UNC13C: variants seen among roughly 807,000 people sequenced by gnomAD.
The protein encoded by UNC13C is protein unc-13 homolog C.
In UNC13C, 174 loss-of-function variants were observed where a neutral mutation model predicts 245.4. The observed-to-expected ratio is 0.71, with a 90% CI of 0.63 to 0.80. The LOEUF is 0.80. Among genes scored for constraint, UNC13C ranks in the 30% least tolerant of loss-of-function variants. UNC13C has a pLI of 0.00. For synonymous variants in UNC13C, 992 were observed against 895.1 expected (o/e 1.11, Z -1.93); for missense variants, 2,829 against 2,602.9 (o/e 1.09, Z -1.89).
intron 1 of UNC13C, among the ~76,000 whole-genome samples, chr15:54,003,632 G>A (rs1305919517): frequency 1.3e-5 from 2 of 152,054 alleles, no homozygotes; most frequent in African/African-American, 4.8e-5. Context: ...CAGTGAATAG[G>A]GTGTCCATCC....
intron 19 of UNC13C, among the ~76,000 whole-genome samples, chr15:54,453,798 T>G (rs1228452976): frequency 6.6e-6 from 1 of 152,186 alleles, no homozygotes; most frequent in Non-Finnish European, 1.5e-5. Flanking sequence ...TTTTTTGATA[T>G]AGTATATTAT....
chr15:54,379,935 C>T (rs1407415588), intron 17 of UNC13C, among the ~76,000 whole-genome samples: 1 of 152,082 alleles, frequency 6.6e-6, no homozygotes, highest in Non-Finnish European at 1.5e-5. Flanking sequence ...TGAAATGACT[C>T]AATCTAGCTA....
rs185571672 is a variant in UNC13C at position 54,213,786 on chromosome 15, G to A, written c.3072-21244G>A. On this transcript the variant is annotated intron_variant, in intron 4 of 32. Coordinates refer to ENST00000260323, the MANE Select transcript of UNC13C (RefSeq NM_001080534.3). ...AAGGGGAAAGATTTCTTATTTTGTA[G>A]CAGATAGGTAGATTGGGGAAGACAT... 4.2e-4 allele frequency among the ~76,000 whole-genome samples: 64 copies of A among 152,118 alleles called. 1 individual carries two copies. The East Asian group carries it at 0.012, about 28-fold the overall frequency.
chr15:53,852,238 A>G, the UNC13C span, among the ~76,000 whole-genome samples: 11 of 152,202 alleles, frequency 7.2e-5, no homozygotes, highest in African/African-American at 2.7e-4. Context: ...ACCCCCACAC[A>G]TTTGGTCACA....
intron 19 of UNC13C, among the ~76,000 whole-genome samples, chr15:54,439,432 T>G (rs934695254): frequency 6.6e-6 from 1 of 152,098 alleles, no homozygotes; most frequent in South Asian, 2.1e-4. Flanking sequence ...TTGATAATGA[T>G]AATTTTGATA....
At chr15:54,155,686 A>G (rs562059303) in intron 4 of UNC13C, among the ~76,000 whole-genome samples, 4 of 152,342 alleles carry the variant, frequency 2.6e-5, no homozygotes, top group South Asian at 2.1e-4. Flanking sequence ...AATATGGGAT[A>G]AAGAGTAATG....
chr15:54,602,673 C>CA (rs527269045), intron 30 of UNC13C, among the ~76,000 whole-genome samples: 4 of 152,124 alleles, frequency 2.6e-5, no homozygotes, highest in Non-Finnish European at 4.4e-5. Flanking sequence ...GTAAGGACCA[C>CA]AAAAGTCATC....
At chr15:54,050,207 G>A (rs944303807) in intron 2 of UNC13C, 191 of 519,800 alleles carry the variant, frequency 3.7e-4, no homozygotes, top group South Asian at 1.2e-3. Context: ...CCTGACCTCA[G>A]GTGATCCACC....
At chr15:54,507,256 T>C in intron 23 of UNC13C, 62 bp downstream of exon 23, 1 of 1,077,758 alleles carries the variant, frequency 9.3e-7, no homozygotes, top group Admixed American at 2.2e-5. Flanking sequence ...CTTCAAAGTA[T>C]GAGTAAGCAA....
chr15:53,957,299 G>T, the UNC13C span, among the ~76,000 whole-genome samples: 1 of 151,988 alleles, frequency 6.6e-6, no homozygotes, highest in East Asian at 2.0e-4. Flanking sequence ...GCACCACTAC[G>T]CCTGGCTAAT....
At chr15:54,398,299 C>T (rs915650938) in intron 18 of UNC13C, among the ~76,000 whole-genome samples, 10 of 151,472 alleles carry the variant, frequency 6.6e-5, no homozygotes, top group African/African-American at 2.4e-4. Context: ...CTGGAACAAT[C>T]TCCACATGGT....
intron 30 of UNC13C, among the ~76,000 whole-genome samples, chr15:54,590,396 A>G (rs540607130): frequency 1.2e-4 from 18 of 152,278 alleles, no homozygotes; most frequent in Admixed American, 3.3e-4. Flanking sequence ...CATTTTCACA[A>G]AATTGATTCT....
In UNC13C at chr15:54,134,529, G is replaced by A. The variant is rs868061062; in HGVS notation, c.2984-8489G>A. ...TGTTTTTTGTTTTTTGTTTTGAGAC[G>A]GGGTCTCGGAGTCTCGCTGTCTCGC... On this transcript the variant is annotated intron_variant, in intron 2 of 32. Transcript: ENST00000260323. 1.2e-4 allele frequency among the ~76,000 whole-genome samples: 18 copies of A among 151,790 alleles called. No homozygotes were observed. The South Asian group carries it at 1.9e-3, about 16-fold the overall frequency.
At chr15:54,507,302 A>G (rs1894517438) in intron 23 of UNC13C, 108 bp downstream of exon 23, 1 of 712,958 alleles carries the variant, frequency 1.4e-6, no homozygotes, top group Non-Finnish European at 2.3e-6. Flanking sequence ...ACATAGGATA[A>G]TAAGAAATAA....
chr15:54,449,079 CT>C (rs1318106950), intron 19 of UNC13C, among the ~76,000 whole-genome samples: 2 of 152,256 alleles, frequency 1.3e-5, no homozygotes, highest in African/African-American at 4.8e-5. Context: ...AAATTCTTTT[CT>C]TTAAGAATGT....
the UNC13C span, among the ~76,000 whole-genome samples, chr15:53,957,586 T>G: frequency 1.4e-4 from 21 of 151,326 alleles, no homozygotes; most frequent in Admixed American, 6.6e-5. Context: ...ACTATATATA[T>G]AGTAGTACAG....
intron 19 of UNC13C, among the ~76,000 whole-genome samples, chr15:54,493,083 C>T (rs1224139911): frequency 1.3e-5 from 2 of 152,148 alleles, no homozygotes; most frequent in Non-Finnish European, 2.9e-5. Context: ...ATTCATCAGT[C>T]CCCGAGCGAA....
At chr15:54,310,541 G>T (rs1182116985) in intron 13 of UNC13C, among the ~76,000 whole-genome samples, 1 of 151,740 alleles carries the variant, frequency 6.6e-6, no homozygotes, top group African/African-American at 2.4e-5. Context: ...ATTCAGAAAG[G>T]CATAGCATGT....
intron 19 of UNC13C, among the ~76,000 whole-genome samples, chr15:54,440,050 A>T (rs957390032): frequency 6.6e-6 from 1 of 151,968 alleles, no homozygotes; most frequent in African/African-American, 2.4e-5. Context: ...CAAGGCAGGG[A>T]TGGAGTGGGA....
Sources: allele counts gnomAD v4.1 joint callset (sites outside exome capture counted in the v4.1 genomes callset), GRCh38; gene constraint gnomAD v4.1.1; transcripts MANE v1.5; gene names NCBI Gene and HGNC (gene_info 2026-07-23, HGNC 2026-07-21).